CASP2: variants seen among roughly 807,000 people sequenced by gnomAD.
CASP2 encodes caspase 2.
CASP2 carries 38 observed loss-of-function variants against 54.4 expected under a neutral mutation model. The ratio of observed to expected loss-of-function variants is 0.70; its 90% CI spans 0.54 to 0.92. The LOEUF (loss-of-function observed/expected upper bound fraction) is 0.92. CASP2 is among the 40% of genes least tolerant of loss of function. The pLI is 0.00. For synonymous variants in CASP2, 215 were observed against 216.3 expected (o/e 0.99, Z 0.05); for missense variants, 512 against 579.6 (o/e 0.88, Z 1.20).
At chr7:143,289,381 G>T (rs1801484947) in intron 1 of CASP2, among the ~76,000 whole-genome samples, 1 of 152,216 alleles carries the variant, frequency 6.6e-6, no homozygotes, top group Non-Finnish European at 1.5e-5. Flanking sequence ...CTAAAGAGTT[G>T]ATTGAAAATT....
chr7:143,292,742 G>A (rs778586570), intron 4 of CASP2, 44 bp downstream of exon 4: 23 of 1,504,664 alleles, frequency 1.5e-5, no homozygotes, highest in African/African-American at 1.1e-4. Context: ...CAGGTGCCAC[G>A]GCTTACGCCT....
At chr7:143,299,229 AT>A (rs1034254272) in intron 6 of CASP2, among the ~76,000 whole-genome samples, 4 of 151,488 alleles carry the variant, frequency 2.6e-5, no homozygotes, top group African/African-American at 7.3e-5. Flanking sequence ...TATCCTCATA[AT>A]TTTTTTTTAT....
rs753807600 is a variant in CASP2, at chr7:143,292,590, GTCA to G, written c.394-22_394-20del. On this transcript the variant is annotated intron_variant, in intron 3 of 10. Coordinates refer to ENST00000310447, the MANE Select transcript of CASP2 (RefSeq NM_032982.4). The stretch of plus-strand genomic sequence containing the variant: ...GGACCGGACCACTTCCCTAAGGTCT[GTCA>G]TCATGAGTTTTGATTTCTTACAGTT... The G allele has an allele frequency of 3.7e-6, 6 of 1,611,334 alleles. No individual in the cohort carries two copies. In the South Asian group the frequency reaches 5.5e-5, roughly 15 times the overall value.
chr7:143,293,941 C>T (rs1801666808), intron 4 of CASP2, among the ~76,000 whole-genome samples: 1 of 152,162 alleles, frequency 6.6e-6, no homozygotes, highest in South Asian at 2.1e-4. Context: ...CATTTGGGGC[C>T]ACCAGCCTGC....
At chr7:143,295,816 A>G (rs531126515) in intron 6 of CASP2, among the ~76,000 whole-genome samples, 2 of 152,316 alleles carry the variant, frequency 1.3e-5, no homozygotes, top group South Asian at 2.1e-4. Flanking sequence ...TATGCAATGT[A>G]GTTAAATCCA....
chr7:143,305,153 C>T lies in CASP2; in HGVS notation c.*82C>T, dbSNP rs137974186. On this transcript the variant is annotated 3_prime_UTR_variant, in exon 11 of 11. Coordinates refer to ENST00000310447, the MANE Select transcript of CASP2 (RefSeq NM_032982.4). ...TAGAGCCTTTGATCTTCAGGATGCA[C>T]GGTTTCTGTTCTGCCCCCTCAGGGA... The T allele has an allele frequency of 5.2e-3, 8,086 of 1,553,994 alleles. 53 individuals carry two copies. The highest frequency in any genetic ancestry group is 0.019 in the Middle Eastern group (109 of 5,790).
At chr7:143,300,141 T>C in intron 7 of CASP2, 63 bp from the exon 8 acceptor site, 3 of 1,611,900 alleles carry the variant, frequency 1.9e-6, no homozygotes, top group Non-Finnish European at 2.5e-6. Flanking sequence ...CTGTTGCATG[T>C]GTAGGACTTA....
chr7:143,290,482 G>A (rs1042377839), intron 1 of CASP2: 1 of 152,186 alleles, frequency 6.6e-6, no homozygotes, highest in Non-Finnish European at 1.5e-5. Context: ...TGTTACATAT[G>A]TGGAAAATGT....
chr7:143,294,121 C>T (rs1801672293), intron 4 of CASP2, 109 bp from the exon 5 acceptor site: 1 of 754,512 alleles, frequency 1.3e-6, no homozygotes, highest in Non-Finnish European at 2.4e-6. Flanking sequence ...GTGAGTGAGA[C>T]CAATATTTAT....
intron 8 of CASP2, chr7:143,300,998 CCA>C: frequency 2.4e-6 from 2 of 849,488 alleles, no homozygotes; most frequent in Non-Finnish European, 1.4e-6. Context: ...TCTGACTTCA[CCA>C]TTTACTAGTA....
chr7:143,295,176 T>C (rs1180170754), intron 6 of CASP2, among the ~76,000 whole-genome samples: 4 of 152,128 alleles, frequency 2.6e-5, no homozygotes, highest in Non-Finnish European at 5.9e-5. Flanking sequence ...TGCAGGCGCA[T>C]GCAACCATAC....
chr7:143,303,711 G>C, intron 8 of CASP2, 73 bp from the exon 9 acceptor site: 1 of 1,434,950 alleles, frequency 7.0e-7, no homozygotes, highest in Admixed American at 1.7e-5. Context: ...GGGAACGTGG[G>C]CTTGCCTGTG....
chr7:143,293,517 T>G (rs1466775374), intron 4 of CASP2, among the ~76,000 whole-genome samples: 7 of 151,754 alleles, frequency 4.6e-5, no homozygotes, highest in Non-Finnish European at 1.0e-4. Flanking sequence ...TTTTTGTTTT[T>G]TTTTTTTCTT....
Position 143,304,708 on chromosome 7 carries a change from C to G in CASP2, c.1152C>G (p.Ser384=), listed in dbSNP as rs954403016. ...CCATGCGGAACACCAAACGAGGTTC[C>G]TGGTACATCGAGGCTCTTGCTCAAG... ...TAAMRNTKRG[S]WYIEALAQVF... Residue 384 remains serine (S), a synonymous_variant, in exon 10 of 11, where the codon TCC becomes TCG. Coordinates refer to ENST00000310447, the MANE Select transcript of CASP2 (RefSeq NM_032982.4). 1 of 1,614,066 alleles carries G rather than the reference C, an allele frequency of 6.2e-7. No homozygotes were observed. Among genetic ancestry groups the G allele is most frequent in the Admixed American group, 1.7e-5 (1 of 60,010 alleles).
intron 4 of CASP2, chr7:143,293,317 G>C: frequency 2.3e-6 from 1 of 435,406 alleles, no homozygotes; most frequent in Admixed American, 4.0e-5. Context: ...TTGTAGAGAA[G>C]GAGTCTCACT....
intron 4 of CASP2, 98 bp downstream of exon 4, chr7:143,292,796 A>C: frequency 1.1e-6 from 1 of 935,328 alleles, no homozygotes; most frequent in Admixed American, 1.8e-5. Flanking sequence ...GGATCACCTG[A>C]GGTCAGGAGT....
At chr7:143,302,499 G>C (rs1801944659) in intron 8 of CASP2, 1 of 152,160 alleles carries the variant, frequency 6.6e-6, no homozygotes, top group Non-Finnish European at 1.5e-5. Context: ...GCCCCAGTCA[G>C]CTTCTAAACT....
chr7:143,294,960 G>A (rs551672391), intron 6 of CASP2, among the ~76,000 whole-genome samples, 187 bp downstream of exon 6: 1 of 152,018 alleles, frequency 6.6e-6, no homozygotes, highest in East Asian at 1.9e-4. Context: ...GGGCCGGCCA[G>A]CCATTTTAGT....
chr7:143,294,245 C>T lies in CASP2; in HGVS notation c.491C>T (p.Ser164Phe). ...LRLSTDTVEH[S>F]LDNKDGPVCL... ...TATACCACAGATACTGTGGAACACT[C>T]CCTAGACAATAAAGATGGTCCTGTC... is the stretch of plus-strand genomic sequence containing the variant. The change falls in exon 5 of 11, where the codon TCC (serine) becomes TTC (phenylalanine). Residue 164 changes from serine to phenylalanine, a missense_variant. Coordinates refer to ENST00000310447, the MANE Select transcript of CASP2 (RefSeq NM_032982.4). 6.2e-7 allele frequency: 1 copy of T among 1,605,260 alleles called. No individual in the cohort carries two copies. The highest frequency in any genetic ancestry group is 1.1e-5 in the South Asian group (1 of 90,886).
Sources: gnomAD v4.1 joint callset for allele counts (sites outside exome capture counted in the v4.1 genomes callset) on GRCh38, gnomAD v4.1.1 for gene constraint, MANE v1.5 for transcripts, NCBI Gene and HGNC (gene_info 2026-07-23, HGNC 2026-07-21) for gene names.